Variants in LRRC7 observed in about 807,000 individuals in gnomAD.
The protein encoded by LRRC7 is leucine rich repeat containing 7.
A neutral mutation model predicts 175.7 loss-of-function variants in LRRC7; 23 were observed. That is an observed-to-expected ratio of 0.13 (90% CI 0.09 to 0.19). The LOEUF is 0.19. LRRC7 is among the 10% of genes least tolerant of loss of function. The pLI, the probability that LRRC7 is intolerant of heterozygous loss-of-function variation, is 1.00. For missense variants in LRRC7, 1,354 were observed against 1,904.7 expected (o/e 0.71, Z 5.38); for synonymous variants, 685 against 680.9 (o/e 1.01, Z -0.09).
chr1:69,936,979 A>G (rs147875215), intron 8 of LRRC7, among the ~76,000 whole-genome samples: 39 of 152,222 alleles, frequency 2.6e-4, no homozygotes, highest in Non-Finnish European at 4.9e-4. Context: ...ATTGATAGGC[A>G]TCTAGATTGA....
intron 17 of LRRC7, 33 bp downstream of exon 17, chr1:70,023,407 C>A: frequency 6.6e-7 from 1 of 1,513,174 alleles, no homozygotes; most frequent in Non-Finnish European, 8.9e-7. Context: ...GGAGAATCTC[C>A]CATGTAGAGG....
intron 1 of LRRC7, among the ~76,000 whole-genome samples, chr1:69,651,218 G>T (rs1395443032): frequency 6.6e-6 from 1 of 151,938 alleles, no homozygotes; most frequent in African/African-American, 2.4e-5. Context: ...TTTATTTAAA[G>T]ATATATATTT....
At chr1:69,578,877 G>A (rs1025922410) in intron 1 of LRRC7, among the ~76,000 whole-genome samples, 9 of 148,970 alleles carry the variant, frequency 6.0e-5, no homozygotes, top group Non-Finnish European at 1.0e-4. Context: ...CACCAGCATG[G>A]CACATGTATA....
chr1:70,018,765 A>C lies in LRRC7; in HGVS notation c.1367A>C (p.Lys456Thr). ...PLQTEAHPET[K>T]QRVLTNYMFP... ...CAAACAGAAGCCCATCCAGAAACAA[A>C]GCAAAGAGTATTGACTAACTACATG... The change falls in exon 15 of 27, where the codon AAG (lysine) becomes ACG (threonine). Residue 456 changes from lysine (K) to threonine (T), a missense_variant. By Grantham distance (78) the Lys-to-Thr change is moderately conservative. Transcript: ENST00000651989. The C allele has an allele frequency of 6.2e-7, 1 of 1,612,956 alleles. No homozygotes were observed. The highest frequency in any genetic ancestry group is 1.7e-4 in the Middle Eastern group (1 of 6,054).
intron 1 of LRRC7, among the ~76,000 whole-genome samples, chr1:69,666,423 C>T (rs2100553978): frequency 6.6e-6 from 1 of 152,156 alleles, no homozygotes; most frequent in Admixed American, 6.5e-5. Context: ...TGGTAGAATT[C>T]ATCAGCGATA....
intron 1 of LRRC7, among the ~76,000 whole-genome samples, chr1:69,603,117 C>T (rs779032242): frequency 6.7e-6 from 1 of 149,136 alleles, no homozygotes; most frequent in Non-Finnish European, 1.5e-5. Context: ...ATGGCTTTTC[C>T]CCTTTATGTC....
intron 7 of LRRC7, among the ~76,000 whole-genome samples, chr1:69,855,236 C>T (rs1683459986): frequency 6.6e-6 from 1 of 152,180 alleles, no homozygotes; most frequent in South Asian, 2.1e-4. Context: ...CATTTTAGAT[C>T]TTTCCTGCTT....
intron 24 of LRRC7, among the ~76,000 whole-genome samples, chr1:70,078,824 G>GCACA (rs769239262): frequency 4.0e-4 from 52 of 130,870 alleles, no homozygotes; most frequent in African/African-American, 7.1e-4. Context: ...ACACACACAC[G>GCACA]CACACACACA....
Position 70,142,127 on chromosome 1 carries a change from A to C in LRRC7, c.*20240A>C, listed in dbSNP as rs373845980. 1 of 152,140 alleles carries C rather than the reference A, an allele frequency of 6.6e-6. No homozygotes were observed. Among genetic ancestry groups the C allele is most frequent in the Non-Finnish European group, 1.5e-5 (1 of 67,986 alleles). The allele number at this position is 152,140 out of a possible 1,614,324, so 9.4% of individuals were successfully genotyped here. A position where few individuals can be genotyped will look rare whatever the true frequency, so the allele number is the denominator to read the frequency against. On this transcript the variant is annotated 3_prime_UTR_variant, in exon 27 of 27. Transcript: ENST00000651989. Reference sequence around the variant, plus strand: ...AGGCAGACAACATAAAGCAGCTCCCATATCTGCTAGAAAGGTCATTAATTT... The same window carrying C: ...AGGCAGACAACATAAAGCAGCTCCCCTATCTGCTAGAAAGGTCATTAATTT...
chr1:70,039,894 A>G, intron 21 of LRRC7, 101 bp downstream of exon 21: 1 of 1,358,308 alleles, frequency 7.4e-7, no homozygotes. Context: ...ACATGAATGA[A>G]TTAGATGATC....
intron 3 of LRRC7, among the ~76,000 whole-genome samples, chr1:69,762,849 A>C (rs1235670138): frequency 6.6e-6 from 1 of 152,044 alleles, no homozygotes; most frequent in East Asian, 1.9e-4. Flanking sequence ...ATTATAGTTA[A>C]GGAGAATTTA....
At chr1:70,114,052 A>T (rs1318366559) in intron 26 of LRRC7, among the ~76,000 whole-genome samples, 1 of 147,632 alleles carries the variant, frequency 6.8e-6, no homozygotes, top group Non-Finnish European at 1.5e-5. Context: ...AAAATTCTTT[A>T]AAAAAAATCT....
chr1:69,655,666 A>C (rs1656502871), intron 1 of LRRC7, among the ~76,000 whole-genome samples: 1 of 152,104 alleles, frequency 6.6e-6, no homozygotes, highest in East Asian at 1.9e-4. Context: ...TTAGTAAAGA[A>C]AAGGAAAAAG....
chr1:69,599,744 T>C (rs1749516), intron 1 of LRRC7, among the ~76,000 whole-genome samples: 22,997 of 152,136 alleles, frequency 0.15, 1,909 homozygotes, highest in Admixed American at 0.19. Context: ...CCAATTTTAT[T>C]TGGATATCTT....
chr1:69,705,587 T>C (rs1202839120), intron 2 of LRRC7, among the ~76,000 whole-genome samples: 1 of 152,084 alleles, frequency 6.6e-6, no homozygotes, highest in Non-Finnish European at 1.5e-5. Context: ...AAGAGAAGCA[T>C]TTTGGAAGAA....
chr1:70,131,289 C>A lies in LRRC7; in HGVS notation c.*9402C>A, dbSNP rs975923332. ...AGGGACAAAAAATGGAATCCAGCCC[C>A]TTAAAACAAAAATGATATCTAACTG... On this transcript the variant is annotated 3_prime_UTR_variant, in exon 27 of 27. Coordinates refer to ENST00000651989, the MANE Select transcript of LRRC7 (RefSeq NM_001370785.2). Among the ~76,000 whole-genome samples, 1 of 152,164 alleles carries A rather than the reference C, an allele frequency of 6.6e-6. No homozygotes were observed. The highest frequency in any genetic ancestry group is 2.4e-5 in the African/African-American group (1 of 41,446).
rs760049129 is a variant in LRRC7 at position 70,044,074 on chromosome 1, C to G, written c.4090C>G (p.Gln1364Glu). ...NLQTKSKFDH[Q>E]ELPLQKTPSQ... is the part of the protein sequence containing the mutation. Reference sequence around the variant, plus strand: ...GCAGACTAAGTCTAAATTTGATCATCAAGAACTACCTCTTCAGAAAGTAAG... The same window carrying G: ...GCAGACTAAGTCTAAATTTGATCATGAAGAACTACCTCTTCAGAAAGTAAG... The change falls in exon 22 of 27, where the codon CAA (glutamine) becomes GAA (glutamate). Residue 1364 changes from glutamine to glutamate, a missense_variant. Physicochemically the swap from Gln to Glu is conservative, Grantham distance 29 (BLOSUM62 2). This residue lies in a region of LRRC7 where 1,032 missense variants were observed against 1,227.2 expected (regional missense o/e 0.84). Transcript: ENST00000651989. 6.2e-7 allele frequency: 1 copy of G among 1,613,046 alleles called. No homozygotes were observed. The highest frequency in any genetic ancestry group is 8.5e-7 in the Non-Finnish European group (1 of 1,179,438).
At position 70,021,060 on chromosome 1, in the gene LRRC7, A is replaced by G; in HGVS notation, c.1476A>G (p.Gln492=). The G allele has an allele frequency of 6.2e-7, 1 of 1,612,984 alleles. No individual in the cohort carries two copies. The highest frequency in any genetic ancestry group is 8.5e-7 in the Non-Finnish European group (1 of 1,179,160). The part of the protein sequence containing the change: ...FNPTLWEEQR[Q]QRMTVAFEFE... Reference sequence around the variant, plus strand: ...CTACACTGTGGGAAGAGCAGAGACAACAACGCATGACTGTTGCCTTTGAAT... The same window carrying G: ...CTACACTGTGGGAAGAGCAGAGACAGCAACGCATGACTGTTGCCTTTGAAT... Residue 492 remains glutamine, a synonymous_variant, in exon 16 of 27, where the codon CAA becomes CAG. Coordinates refer to ENST00000651989, the MANE Select transcript of LRRC7 (RefSeq NM_001370785.2).
intron 23 of LRRC7, among the ~76,000 whole-genome samples, chr1:70,055,798 C>T (rs1661105843): frequency 6.6e-6 from 1 of 152,166 alleles, no homozygotes; most frequent in Admixed American, 6.5e-5. Context: ...CTAGGTCCCT[C>T]CTTCAACACT....
Sources: gnomAD v4.1 joint callset for allele counts (sites outside exome capture counted in the v4.1 genomes callset) on GRCh38, gnomAD v4.1.1 for gene constraint, gnomAD v4.1.1 regional missense constraint, MANE v1.5 for transcripts, NCBI Gene and HGNC (gene_info 2026-07-23, HGNC 2026-07-21) for gene names.